Variants in GPC5 observed in about 807,000 individuals in gnomAD.
GPC5 encodes glypican 5.
Under a neutral mutation model 53.9 loss-of-function variants are expected in GPC5, and 47 were observed. The observed-to-expected ratio is 0.87, with a 90% CI of 0.69 to 1.11. The LOEUF (loss-of-function observed/expected upper bound fraction) is 1.11. GPC5 is among the 50% of genes most tolerant of loss of function. GPC5 has a pLI of 0.00. For synonymous variants in GPC5, 286 were observed against 263.3 expected (o/e 1.09, Z -0.84); for missense variants, 748 against 713.1 (o/e 1.05, Z -0.56).
chr13:92,693,346 T>C (rs541328764), intron 7 of GPC5, among the ~76,000 whole-genome samples: 2 of 152,164 alleles, frequency 1.3e-5, no homozygotes, highest in South Asian at 2.1e-4. Context: ...CATAATAAGA[T>C]AGGAGGATGT....
chr13:91,992,737 T>A (rs901290094), intron 6 of GPC5, among the ~76,000 whole-genome samples: 12 of 152,124 alleles, frequency 7.9e-5, no homozygotes, highest in African/African-American at 2.9e-4. Flanking sequence ...ATTACAGGTA[T>A]AAGCCACCAT....
chr13:91,800,174 A>G (rs1377397017), intron 5 of GPC5, among the ~76,000 whole-genome samples: 3 of 152,120 alleles, frequency 2.0e-5, no homozygotes, highest in Non-Finnish European at 4.4e-5. Context: ...TTATTTTTAT[A>G]TTGATGAAAA....
At chr13:92,759,148 T>C (rs1226001479) in intron 7 of GPC5, among the ~76,000 whole-genome samples, 4 of 151,916 alleles carry the variant, frequency 2.6e-5, no homozygotes, top group African/African-American at 7.2e-5. Flanking sequence ...TTGCTTTCTA[T>C]AGATAGCTGT....
intron 7 of GPC5, among the ~76,000 whole-genome samples, chr13:92,533,616 C>T (rs1485828043): frequency 2.0e-5 from 3 of 152,062 alleles, no homozygotes; most frequent in South Asian, 2.1e-4. Flanking sequence ...AACACATACT[C>T]GGCAGAAACT....
intron 7 of GPC5, among the ~76,000 whole-genome samples, chr13:92,745,152 A>G (rs1889210058): frequency 6.6e-6 from 1 of 152,142 alleles, no homozygotes. Flanking sequence ...TATTTTGGTT[A>G]TATACATGGG....
chr13:91,642,357 C>T (rs1015581905), intron 2 of GPC5, among the ~76,000 whole-genome samples: 2 of 152,080 alleles, frequency 1.3e-5, no homozygotes, highest in Admixed American at 6.6e-5. Context: ...AGTGAAGAGA[C>T]GATAGGCCTG....
intron 7 of GPC5, chr13:92,447,367 G>A (rs1332960554): frequency 6.6e-6 from 1 of 152,018 alleles, no homozygotes; most frequent in Non-Finnish European, 1.5e-5. Flanking sequence ...TGCAAGATAT[G>A]CACATTTACT....
At chr13:91,729,784 C>T (rs1254343508) in intron 4 of GPC5, among the ~76,000 whole-genome samples, 1 of 152,008 alleles carries the variant, frequency 6.6e-6, no homozygotes, top group Non-Finnish European at 1.5e-5. Context: ...TAATAAAACC[C>T]ATCTACAGAA....
At chr13:92,317,923 C>T (rs1011391917) in intron 7 of GPC5, among the ~76,000 whole-genome samples, 1 of 152,148 alleles carries the variant, frequency 6.6e-6, no homozygotes, top group African/African-American at 2.4e-5. Context: ...GTTTAACAAA[C>T]TTCAATTCTG....
intron 7 of GPC5, among the ~76,000 whole-genome samples, chr13:92,445,808 T>C (rs934108859): frequency 6.6e-6 from 1 of 152,104 alleles, no homozygotes; most frequent in African/African-American, 2.4e-5. Flanking sequence ...CAGCATGATA[T>C]TCTCTCTTGC....
chr13:92,554,333 T>G (rs1293293294), intron 7 of GPC5, among the ~76,000 whole-genome samples: 2 of 151,892 alleles, frequency 1.3e-5, no homozygotes, highest in Non-Finnish European at 2.9e-5. Flanking sequence ...TTCTTTTCAG[T>G]ATAACAGTGA....
intron 2 of GPC5, among the ~76,000 whole-genome samples, chr13:91,509,718 T>C (rs1885136571): frequency 1.3e-5 from 2 of 152,162 alleles, no homozygotes; most frequent in African/African-American, 4.8e-5. Flanking sequence ...CACATGGGAA[T>C]ACTAAAAATT....
chr13:92,547,411 A>T (rs776710613), intron 7 of GPC5, among the ~76,000 whole-genome samples: 1 of 152,214 alleles, frequency 6.6e-6, no homozygotes. Flanking sequence ...GATTCAGATG[A>T]CGTATTTTTA....
At chr13:91,983,714 C>G (rs1376858569) in intron 6 of GPC5, among the ~76,000 whole-genome samples, 4 of 152,100 alleles carry the variant, frequency 2.6e-5, no homozygotes, top group Non-Finnish European at 5.9e-5. Context: ...AATAGCCAAA[C>G]GGGGAGTGAC....
chr13:92,407,106 G>A (rs1460502188), intron 7 of GPC5, among the ~76,000 whole-genome samples: 1 of 152,168 alleles, frequency 6.6e-6, no homozygotes, highest in Non-Finnish European at 1.5e-5. Flanking sequence ...ATTTTTCTGT[G>A]AGTGTGATGC....
chr13:91,813,091 A>G (rs2038338907), intron 5 of GPC5, among the ~76,000 whole-genome samples: 1 of 152,226 alleles, frequency 6.6e-6, no homozygotes, highest in Admixed American at 6.5e-5. Flanking sequence ...TAAGCTGGAA[A>G]CAATTCTTAT....
intron 7 of GPC5, among the ~76,000 whole-genome samples, chr13:92,152,316 C>T (rs547355514): frequency 2.8e-3 from 424 of 152,228 alleles, no homozygotes; most frequent in Non-Finnish European, 4.5e-3. Context: ...TTCTCTCCTA[C>T]CTTGTACAAG....
intron 5 of GPC5, among the ~76,000 whole-genome samples, chr13:91,761,294 C>T (rs764152529): frequency 7.9e-5 from 12 of 152,136 alleles, no homozygotes; most frequent in Admixed American, 2.0e-4. Context: ...AACTCTCAAA[C>T]CATGTTTTTC....
chr13:91,502,269 T>G (rs560156127), intron 2 of GPC5, among the ~76,000 whole-genome samples: 55 of 152,228 alleles, frequency 3.6e-4, no homozygotes, highest in African/African-American at 1.3e-3. Flanking sequence ...ATTTGTCAAT[T>G]TTGGCTTTTG....
Sources: gnomAD v4.1 joint callset for allele counts (sites outside exome capture counted in the v4.1 genomes callset) on GRCh38, gnomAD v4.1.1 for gene constraint, MANE v1.5 for transcripts, NCBI Gene and HGNC (gene_info 2026-07-23, HGNC 2026-07-21) for gene names.